Variants in DTD1 observed in about 807,000 individuals in gnomAD.
The protein encoded by DTD1 is D-aminoacyl-tRNA deacylase 1.
Under a neutral mutation model 25.6 loss-of-function variants are expected in DTD1, and 13 were observed. That is an observed-to-expected ratio of 0.51 (90% CI 0.33 to 0.81). DTD1 has a LOEUF of 0.81. Among genes scored for constraint, DTD1 ranks in the 30% least tolerant of loss-of-function variants. DTD1 has a pLI of 0.02. For missense variants in DTD1, 193 were observed against 266.4 expected (o/e 0.72, Z 1.92); for synonymous variants, 110 against 103.6 (o/e 1.06, Z -0.37).
chr20:18,642,332 T>C (rs992161498), intron 4 of DTD1, among the ~76,000 whole-genome samples: 5 of 152,222 alleles, frequency 3.3e-5, no homozygotes, highest in South Asian at 4.1e-4. Context: ...TTTATTTTCA[T>C]TGTCTCAAGG....
intron 5 of DTD1, among the ~76,000 whole-genome samples, chr20:18,747,855 C>CAAA (rs11483388): frequency 0.064 from 9,079 of 142,320 alleles, 374 homozygotes; most frequent in South Asian, 0.13. Context: ...ATAAAAAATA[C>CAAA]AAAAAAAAAA....
chr20:18,695,883 G>T lies in DTD1; in HGVS notation c.478-48217G>T, dbSNP rs532643322. On this transcript the variant is annotated intron_variant, in intron 4 of 5. Transcript: ENST00000377452. ...GTAGAGATGGGGTTCTCACTATGTT[G>T]CCCAAGCTGGCCATGGATTCCTGGG... Among the ~76,000 whole-genome samples the T allele has an allele frequency of 3.3e-5, 5 of 152,038 alleles. No individual in the cohort carries two copies. In the South Asian group the frequency reaches 1.0e-3, roughly 32 times the overall value.
Position 18,758,394 on chromosome 20 carries a change from G to C in DTD1, c.*20-4966G>C, listed in dbSNP as rs367661433. Among the ~76,000 whole-genome samples, 74 of 152,048 alleles carry C rather than the reference G, an allele frequency of 4.9e-4. No homozygotes were observed. The South Asian group carries it at 7.5e-3, about 15-fold the overall frequency. ...GTCAATTTTGGATCTTTCCTGCTTTGTCTTGTGGGCATTTAGTGGTATAAA... is the reference window on the plus strand; with the variant it reads ...GTCAATTTTGGATCTTTCCTGCTTTCTCTTGTGGGCATTTAGTGGTATAAA... On this transcript the variant is annotated intron_variant, in intron 5 of 5. Transcript: ENST00000377452.
intron 4 of DTD1, among the ~76,000 whole-genome samples, chr20:18,657,304 A>G (rs577892170): frequency 6.6e-6 from 1 of 152,308 alleles, no homozygotes; most frequent in South Asian, 2.1e-4. Context: ...CTATTTTTGC[A>G]TTACTACTCT....
intron 4 of DTD1, among the ~76,000 whole-genome samples, chr20:18,734,230 G>A (rs550375476): frequency 1.8e-4 from 27 of 152,166 alleles, no homozygotes; most frequent in African/African-American, 4.3e-4. Context: ...TTCTTTCCCC[G>A]TCCTACCCTC....
chr20:18,707,114 C>G (rs578241256), intron 4 of DTD1, among the ~76,000 whole-genome samples: 4 of 152,222 alleles, frequency 2.6e-5, no homozygotes, highest in African/African-American at 7.2e-5. Context: ...TGTTCATCAC[C>G]TGTAAGCAGT....
intron 4 of DTD1, among the ~76,000 whole-genome samples, chr20:18,728,706 A>C (rs1186079675): frequency 6.6e-6 from 1 of 152,122 alleles, no homozygotes; most frequent in African/African-American, 2.4e-5. Flanking sequence ...TCACAAGAGC[A>C]GCTGTTGAGG....
intron 5 of DTD1, among the ~76,000 whole-genome samples, chr20:18,746,138 G>A (rs1023473354): frequency 1.3e-5 from 2 of 152,194 alleles, no homozygotes; most frequent in Admixed American, 6.5e-5. Context: ...TGAGGTGCCT[G>A]TTGGCAGCCA....
intron 5 of DTD1, among the ~76,000 whole-genome samples, chr20:18,757,121 G>A (rs2061342366): frequency 6.6e-6 from 1 of 152,082 alleles, no homozygotes. Context: ...CATTGATTTT[G>A]TATCCTGAGA....
chr20:18,680,379 A>C (rs2060991945), intron 4 of DTD1, among the ~76,000 whole-genome samples: 1 of 143,484 alleles, frequency 7.0e-6, no homozygotes, highest in Non-Finnish European at 1.5e-5. Context: ...AATTTTGTAG[A>C]GACACTCTTT....
chr20:18,611,126 C>T (rs1327904942), intron 3 of DTD1: 1 of 152,250 alleles, frequency 6.6e-6, no homozygotes, highest in Non-Finnish European at 1.5e-5. Flanking sequence ...GGGCCCCTTC[C>T]ATCCTTGTCA....
At chr20:18,675,584 T>C (rs2060967295) in intron 4 of DTD1, 1 of 152,162 alleles carries the variant, frequency 6.6e-6, no homozygotes, top group Non-Finnish European at 1.5e-5. Flanking sequence ...CTTCAAACTT[T>C]GTACTCTTTA....
At chr20:18,708,277 A>AAT (rs1555801978) in intron 4 of DTD1, among the ~76,000 whole-genome samples, 14 of 15,590 alleles carry the variant, frequency 9.0e-4, no homozygotes, top group African/African-American at 2.2e-3. Flanking sequence ...ATATATATAT[A>AAT]ATATATATTA....
intron 4 of DTD1, among the ~76,000 whole-genome samples, chr20:18,696,195 G>A (rs927597398): frequency 1.8e-4 from 27 of 152,082 alleles, no homozygotes; most frequent in African/African-American, 3.4e-4. Flanking sequence ...TTCCAGGAGC[G>A]AGGGGAATGT....
At chr20:18,631,513 T>G in intron 4 of DTD1, 2 of 985,534 alleles carry the variant, frequency 2.0e-6, no homozygotes, top group Non-Finnish European at 2.4e-6. Flanking sequence ...CCCAAATGTC[T>G]CCAATTGAGA....
At chr20:18,702,340 C>T (rs1036488518) in intron 4 of DTD1, among the ~76,000 whole-genome samples, 2 of 152,122 alleles carry the variant, frequency 1.3e-5, no homozygotes, top group African/African-American at 4.8e-5. Flanking sequence ...ACAATTGAAC[C>T]CTTCAGTTGG....
intron 3 of DTD1, among the ~76,000 whole-genome samples, chr20:18,612,720 G>A (rs1286572700): frequency 4.6e-5 from 7 of 151,732 alleles, no homozygotes; most frequent in African/African-American, 9.7e-5. Flanking sequence ...GTGCATTGGC[G>A]CAATCTGGGC....
At chr20:18,720,204 T>C (rs2061196561) in intron 4 of DTD1, among the ~76,000 whole-genome samples, 1 of 152,240 alleles carries the variant, frequency 6.6e-6, no homozygotes, top group Admixed American at 6.5e-5. Flanking sequence ...TTCAAGACTC[T>C]AGTGTAACTT....
At chr20:18,726,462 G>A (rs1466030354) in intron 4 of DTD1, among the ~76,000 whole-genome samples, 1 of 152,104 alleles carries the variant, frequency 6.6e-6, no homozygotes, top group African/African-American at 2.4e-5. Flanking sequence ...GTCAATCAAG[G>A]GTTTTTTTCC....
Sources: allele counts gnomAD v4.1 joint callset (sites outside exome capture counted in the v4.1 genomes callset), GRCh38; gene constraint gnomAD v4.1.1; transcripts MANE v1.5; gene names NCBI Gene and HGNC (gene_info 2026-07-23, HGNC 2026-07-21).